Variants in CTNND2 observed in about 807,000 individuals in gnomAD.
CTNND2 encodes catenin delta-2.
Under a neutral mutation model 144.4 loss-of-function variants are expected in CTNND2, and 22 were observed. That is an observed-to-expected ratio of 0.15 (90% CI 0.11 to 0.22). CTNND2 has a LOEUF of 0.22. Among genes scored for constraint, CTNND2 ranks in the 10% least tolerant of loss-of-function variants. CTNND2 has a pLI of 1.00. For missense variants in CTNND2, 1,353 were observed against 1,618.8 expected, an observed-to-expected ratio of 0.84 and a Z score of 2.82; for synonymous variants, 751 against 695.6, an observed-to-expected ratio of 1.08 and a Z score of -1.25.
At chr5:11,885,718 A>C (rs1736470479) in intron 1 of CTNND2, among the ~76,000 whole-genome samples, 1 of 152,186 alleles carries the variant, frequency 6.6e-6, no homozygotes. Flanking sequence ...ACAGCTTCAG[A>C]ATACACATTT....
chr5:11,000,195 G>A (rs1207497597), intron 18 of CTNND2, among the ~76,000 whole-genome samples: 1 of 152,194 alleles, frequency 6.6e-6, no homozygotes, highest in Non-Finnish European at 1.5e-5. Flanking sequence ...CAGGAGGTTA[G>A]GACAACACAC....
intron 3 of CTNND2, among the ~76,000 whole-genome samples, chr5:11,563,006 T>G (rs1484334949): frequency 6.6e-6 from 1 of 152,252 alleles, no homozygotes; most frequent in Admixed American, 6.5e-5. Flanking sequence ...CAAGCCACTA[T>G]GGCCACCATT....
At chr5:11,495,276 T>C (rs1210283145) in intron 3 of CTNND2, among the ~76,000 whole-genome samples, 2 of 152,244 alleles carry the variant, frequency 1.3e-5, no homozygotes, top group Non-Finnish European at 2.9e-5. Context: ...ATAGAAAGAT[T>C]AGTAATCATT....
At chr5:10,995,772 T>G (rs1739274716) in intron 18 of CTNND2, among the ~76,000 whole-genome samples, 1 of 152,034 alleles carries the variant, frequency 6.6e-6, no homozygotes, top group Admixed American at 6.6e-5. Context: ...TGGATAAGAT[T>G]AAGTGAGCAA....
intron 3 of CTNND2, among the ~76,000 whole-genome samples, chr5:11,484,556 C>A (rs1768618789): frequency 6.6e-6 from 1 of 152,196 alleles, no homozygotes; most frequent in Non-Finnish European, 1.5e-5. Context: ...AAGGCAGCAT[C>A]TATATCCTGT....
At position 11,471,687 on chromosome 5, in the gene CTNND2, G is replaced by A. The variant is rs184989217; in HGVS notation, c.288-59618C>T. Among the ~76,000 whole-genome samples the A allele has an allele frequency of 3.5e-4, 54 of 152,232 alleles. No individual in the cohort carries two copies. In the South Asian group the frequency reaches 8.9e-3, roughly 25 times the overall value. On this transcript the variant is annotated intron_variant, in intron 3 of 21. Coordinates refer to ENST00000304623, the MANE Select transcript of CTNND2 (RefSeq NM_001332.4). ...GTTCATTCTATAAAGGCCAAAAAGT[G>A]GTCCATTAAATATCATGACAAAATC... is the stretch of plus-strand genomic sequence containing the variant.
intron 3 of CTNND2, among the ~76,000 whole-genome samples, chr5:11,481,310 C>T (rs1425534679): frequency 3.3e-5 from 5 of 152,096 alleles, no homozygotes; most frequent in Non-Finnish European, 5.9e-5. Context: ...ATTTTGGTTC[C>T]CCCATAAGTC....
Position 11,098,755 on chromosome 5 carries a change from G to A in CTNND2, c.2464-7C>T, listed in dbSNP as rs1751598649. On this transcript the variant is annotated splice_region_variant and splice_polypyrimidine_tract_variant and intron_variant, in intron 14 of 21. Transcript: ENST00000304623. ...GAGGTCCTACTCCATCCCACTGGCG[G>A]AAGAAAAACAAGAGAGCAAACATCT... 1.2e-6 allele frequency: 2 copies of A among 1,610,144 alleles called. No individual in the cohort carries two copies. Among genetic ancestry groups the A allele is most frequent in the African/African-American group, 1.3e-5 (1 of 74,712 alleles).
chr5:11,402,080 C>A (rs1000694870), intron 5 of CTNND2, among the ~76,000 whole-genome samples: 2 of 152,084 alleles, frequency 1.3e-5, no homozygotes, highest in Admixed American at 6.6e-5. Context: ...ATCTTACAAA[C>A]AAAACATACA....
chr5:11,519,684 A>C (rs1772538405), intron 3 of CTNND2, among the ~76,000 whole-genome samples: 1 of 152,126 alleles, frequency 6.6e-6, no homozygotes, highest in Non-Finnish European at 1.5e-5. Flanking sequence ...CCAGTGTATA[A>C]ACTTCATGAG....
chr5:11,201,003 C>A (rs1425067990), intron 10 of CTNND2, among the ~76,000 whole-genome samples: 1 of 118,776 alleles, frequency 8.4e-6, no homozygotes, highest in Non-Finnish European at 1.8e-5. Context: ...TCAGTAGTGC[C>A]CAAGTGCTGC....
At chr5:11,843,895 A>G (rs548668714) in intron 1 of CTNND2, among the ~76,000 whole-genome samples, 2 of 152,296 alleles carry the variant, frequency 1.3e-5, no homozygotes, top group African/African-American at 4.8e-5. Context: ...TATTGTTTGT[A>G]CTAGCACAGA....
At chr5:10,974,462 G>A (rs560371884) in intron 21 of CTNND2, among the ~76,000 whole-genome samples, 7 of 152,180 alleles carry the variant, frequency 4.6e-5, no homozygotes, top group Non-Finnish European at 5.9e-5. Context: ...ATTGATGGAC[G>A]CTTGGGTTAT....
At chr5:11,041,844 A>G (rs1744723313) in intron 16 of CTNND2, among the ~76,000 whole-genome samples, 1 of 152,188 alleles carries the variant, frequency 6.6e-6, no homozygotes, top group Admixed American at 6.5e-5. Flanking sequence ...TATGTTATAA[A>G]TAGGGTTTCA....
intron 2 of CTNND2, among the ~76,000 whole-genome samples, chr5:11,645,138 TAAC>T (rs1370544274): frequency 6.6e-6 from 1 of 152,072 alleles, no homozygotes; most frequent in Non-Finnish European, 1.5e-5. Context: ...GCTAATTTTT[TAAC>T]TTTTTCTAGA....
chr5:11,141,129 T>C (rs1756683342), intron 12 of CTNND2, among the ~76,000 whole-genome samples: 1 of 152,174 alleles, frequency 6.6e-6, no homozygotes. Context: ...TAATTTTTTA[T>C]TTTTTGTAGA....
chr5:11,341,436 C>T (rs1580958804), intron 9 of CTNND2, among the ~76,000 whole-genome samples: 2 of 152,292 alleles, frequency 1.3e-5, no homozygotes, highest in East Asian at 3.9e-4. Context: ...TGATAAACGA[C>T]CTCCGGCACT....
chr5:11,545,530 C>T (rs1775155911), intron 3 of CTNND2, among the ~76,000 whole-genome samples: 2 of 151,132 alleles, frequency 1.3e-5, no homozygotes, highest in Non-Finnish European at 3.0e-5. Flanking sequence ...GGCATGGTGG[C>T]GGGTGCCTGT....
At chr5:11,843,485 C>G (rs780719667) in intron 1 of CTNND2, among the ~76,000 whole-genome samples, 1 of 152,180 alleles carries the variant, frequency 6.6e-6, no homozygotes, top group Non-Finnish European at 1.5e-5. Context: ...GATTCCCAGA[C>G]AGCCTGTATC....
Sources: gnomAD v4.1 joint callset for allele counts (sites outside exome capture counted in the v4.1 genomes callset) on GRCh38, gnomAD v4.1.1 for gene constraint, MANE v1.5 for transcripts, NCBI Gene and HGNC (gene_info 2026-07-23, HGNC 2026-07-21) for gene names.